ST14: variants seen among roughly 807,000 people sequenced by gnomAD.
ST14 encodes ST14 transmembrane serine protease matriptase.
In ST14, 40 loss-of-function variants were observed where a neutral mutation model predicts 96.5. The ratio of observed to expected loss-of-function variants is 0.41; its 90% confidence interval spans 0.32 to 0.54. ST14 has a LOEUF of 0.54. Among genes scored for constraint, ST14 ranks in the 20% least tolerant of loss-of-function variants. ST14 has a pLI of 0.17. For synonymous variants in ST14, 506 were observed against 492.1 expected (o/e 1.03, Z -0.37); for missense variants, 1,066 against 1,188.9 (o/e 0.90, Z 1.52).
chr11:130,195,580 C>T (rs1953351931), intron 9 of ST14, among the ~76,000 whole-genome samples: 3 of 152,040 alleles, frequency 2.0e-5, no homozygotes, highest in South Asian at 2.1e-4. Context: ...GAGGGCCGGG[C>T]GCAGTGGCTC....
At chr11:130,164,144 G>A (rs190422478) in intron 1 of ST14, among the ~76,000 whole-genome samples, 197 of 152,314 alleles carry the variant, frequency 1.3e-3, no homozygotes, top group African/African-American at 3.9e-3. Context: ...GAAGGGAAAC[G>A]TGACAGAGTC....
rs1953339910 is a variant in ST14, at chr11:130,194,679, A to G, written c.1055A>G (p.Asn352Ser). The change falls in exon 9 of 19, where the codon AAC (asparagine) becomes AGC (serine). Residue 352 changes from asparagine (N) to serine (S), a missense_variant. Physicochemically the swap from Asn to Ser is conservative, Grantham distance 46. Transcript: ENST00000278742. ...TTACGTAAAGCCCAGGGGACATTCA[A>G]CAGCCCCTACTACCCAGGCCACTAC... ...GRLRKAQGTF[N>S]SPYYPGHYPP... 1 of 1,614,142 alleles carries G rather than the reference A, an allele frequency of 6.2e-7. No homozygotes were observed. Among genetic ancestry groups the G allele is most frequent in the Non-Finnish European group, 8.5e-7 (1 of 1,180,014 alleles).
In ST14 at chr11:130,159,974, G is replaced by A. The variant is rs897278826; in HGVS notation, c.-6G>A. ...CCTGTGAGACCCGCGAGCGGCCTCG[G>A]GGACCATGGGGAGCGATCGGGCCCG... On this transcript the variant is annotated 5_prime_UTR_variant, in exon 1 of 19. Transcript: ENST00000278742. 22 of 1,369,362 alleles carry A rather than the reference G, an allele frequency of 1.6e-5. No homozygotes were observed. The East Asian group carries it at 6.6e-4, about 41-fold the overall frequency. The allele number at this position is 1,369,362 out of a possible 1,614,324, so 84.8% of individuals were successfully genotyped here.
Position 130,201,124 on chromosome 11 carries a change from G to A in ST14, c.1994+987G>A, listed in dbSNP as rs1172227804. On this transcript the variant is annotated intron_variant, in intron 16 of 18. Transcript: ENST00000278742. ...AGGTGCTCAGCATGTCATGGCCTCA[G>A]ACACACAGACAGATGAGAGGCCTGG... Among the ~76,000 whole-genome samples, 3 of 152,274 alleles carry A rather than the reference G, an allele frequency of 2.0e-5. No individual in the cohort carries two copies. The East Asian group carries it at 5.8e-4, about 29-fold the overall frequency.
At position 130,210,116 on chromosome 11, in the gene ST14, T is replaced by A; in HGVS notation, c.*293T>A. ...CAGCCCCAAGCTGGGCCGAGGCGCGTTTGTGCATATCTGCCTCCCCTGTCT... is the reference window on the plus strand; with the variant it reads ...CAGCCCCAAGCTGGGCCGAGGCGCGATTGTGCATATCTGCCTCCCCTGTCT... On this transcript the variant is annotated 3_prime_UTR_variant, in exon 19 of 19. Transcript: ENST00000278742. The A allele has an allele frequency of 2.4e-6, 1 of 421,700 alleles. No individual in the cohort carries two copies. Among genetic ancestry groups the A allele is most frequent in the Non-Finnish European group, 4.4e-6 (1 of 229,768 alleles). The allele number at this position is 421,700 out of a possible 1,614,324, so 26.1% of individuals were successfully genotyped here. A position where few individuals can be genotyped will look rare whatever the true frequency, so the allele number is the denominator to read the frequency against.
intron 16 of ST14, among the ~76,000 whole-genome samples, chr11:130,200,622 G>A (rs555364132): frequency 6.6e-6 from 1 of 152,306 alleles, no homozygotes; most frequent in South Asian, 2.1e-4. Context: ...ATGAGATTTG[G>A]AGGGGACAAG....
At chr11:130,207,004 C>G (rs1953496678) in intron 16 of ST14, among the ~76,000 whole-genome samples, 1 of 152,060 alleles carries the variant, frequency 6.6e-6, no homozygotes, top group Non-Finnish European at 1.5e-5. Context: ...GTAGTGTCAC[C>G]CTGTCACCAC....
At chr11:130,167,021 G>T (rs1953047346) in intron 1 of ST14, among the ~76,000 whole-genome samples, 2 of 152,122 alleles carry the variant, frequency 1.3e-5, no homozygotes. Context: ...GACTAGCCTG[G>T]CCAACATGGT....
chr11:130,194,050 G>A (rs1953332829), intron 7 of ST14, 99 bp from the exon 8 acceptor site: 1 of 1,511,436 alleles, frequency 6.6e-7, no homozygotes, highest in Non-Finnish European at 9.2e-7. Flanking sequence ...AGAGTTAGGG[G>A]TGGGGTCCTC....
chr11:130,194,680 C>T lies in ST14; in HGVS notation c.1056C>T (p.Asn352=). The T allele has an allele frequency of 1.2e-6, 2 of 1,614,214 alleles. No individual in the cohort carries two copies. The highest frequency in any genetic ancestry group is 2.2e-5 in the South Asian group (2 of 91,084). The change falls in exon 9 of 19, where the codon AAC becomes AAT. Residue 352 remains asparagine (N), a synonymous_variant. Transcript: ENST00000278742. ...TACGTAAAGCCCAGGGGACATTCAA[C>T]AGCCCCTACTACCCAGGCCACTACC... The part of the protein sequence containing the change: ...GRLRKAQGTF[N]SPYYPGHYPP...
At chr11:130,182,693 A>C (rs1953204028) in intron 1 of ST14, among the ~76,000 whole-genome samples, 2 of 147,506 alleles carry the variant, frequency 1.4e-5, no homozygotes, top group Non-Finnish European at 3.0e-5. Context: ...TCTGTTGCCC[A>C]GGCTGGAGTG....
At position 130,190,683 on chromosome 11, in the gene ST14, C is replaced by A; in HGVS notation, c.864C>A (p.His288Gln). ...ACACCCTGAGCCCCATGGAGCCCCA[C>A]GCCCTGGTGCAGTGAGTACCCCGGG... Reference protein sequence around the residue: ...VYNTLSPMEPHALVQLCGTYP... With the variant: ...VYNTLSPMEPQALVQLCGTYP... Residue 288 changes from histidine (H) to glutamine (Q), a missense_variant, in exon 7 of 19, where the codon CAC becomes CAA. Coordinates refer to ENST00000278742, the MANE Select transcript of ST14 (RefSeq NM_021978.4). 1 of 1,587,454 alleles carries A rather than the reference C, an allele frequency of 6.3e-7. No homozygotes were observed. Among genetic ancestry groups the A allele is most frequent in the African/African-American group, 1.3e-5 (1 of 74,356 alleles).
chr11:130,190,232 A>G, intron 6 of ST14, 84 bp downstream of exon 6: 5 of 1,559,954 alleles, frequency 3.2e-6, no homozygotes, highest in Non-Finnish European at 4.4e-6. Flanking sequence ...GGTCCCCAGA[A>G]GCATGTCCCT....
In ST14 at chr11:130,194,486, G is replaced by A. The variant is rs138543852; in HGVS notation, c.1016-154G>A. Among the ~76,000 whole-genome samples, 532 of 152,290 alleles carry A rather than the reference G, an allele frequency of 3.5e-3. 2 individuals are homozygous for A. Among genetic ancestry groups the A allele is most frequent in the African/African-American group, 0.012 (501 of 41,570 alleles). Reference sequence around the variant, plus strand: ...GGGTCAGGAGCCCTCCTGAAGCTTCGGCACCCGGCACCTGGCCTTCCTGGC... The same window carrying A: ...GGGTCAGGAGCCCTCCTGAAGCTTCAGCACCCGGCACCTGGCCTTCCTGGC... On this transcript the variant is annotated intron_variant, in intron 8 of 18. Coordinates refer to ENST00000278742, the MANE Select transcript of ST14 (RefSeq NM_021978.4).
At chr11:130,192,680 C>T (rs1367636313) in intron 7 of ST14, among the ~76,000 whole-genome samples, 1 of 152,254 alleles carries the variant, frequency 6.6e-6, no homozygotes, top group Admixed American at 6.5e-5. Flanking sequence ...GCGTGAGCCA[C>T]AGCACCCGGC....
Position 130,196,586 on chromosome 11 carries a change from T to A in ST14, c.1240T>A (p.Ser414Thr), listed in dbSNP as rs758973821. The change falls in exon 11 of 19, where the codon TCC becomes ACC. Residue 414 changes from serine (S) to threonine (T), a missense_variant. By Grantham distance (58) the Ser-to-Thr change is moderately conservative. Transcript: ENST00000278742. ...CCCCTCCAGATACTGCGGAGAGAGG[T>A]CCCAGTTCGTCGTCACCAGCAACAG... ...INGEKYCGER[S>T]QFVVTSNSNK... is the part of the protein sequence containing the mutation. 1 of 1,572,254 alleles carries A rather than the reference T, an allele frequency of 6.4e-7. No individual in the cohort carries two copies. The highest frequency in any genetic ancestry group is 8.6e-7 in the Non-Finnish European group (1 of 1,158,886).
chr11:130,183,199 A>T (rs1290684460), intron 1 of ST14, among the ~76,000 whole-genome samples: 1 of 152,026 alleles, frequency 6.6e-6, no homozygotes, highest in Non-Finnish European at 1.5e-5. Flanking sequence ...ACCTCAGGTG[A>T]TCTGCCTGCC....
intron 9 of ST14, among the ~76,000 whole-genome samples, 174 bp from the exon 10 acceptor site, chr11:130,196,165 A>C (rs1953360248): frequency 6.7e-6 from 1 of 148,162 alleles, no homozygotes; most frequent in Non-Finnish European, 1.5e-5. Flanking sequence ...ATCTCAAAAA[A>C]CAAACAAACA....
intron 1 of ST14, among the ~76,000 whole-genome samples, chr11:130,166,246 G>T (rs919914800): frequency 1.3e-5 from 2 of 152,104 alleles, no homozygotes; most frequent in African/African-American, 4.8e-5. Context: ...CACTTTTCAC[G>T]CCTCTTTCCC....
Sources: allele counts gnomAD v4.1 joint callset (sites outside exome capture counted in the v4.1 genomes callset), GRCh38; gene constraint gnomAD v4.1.1; transcripts MANE v1.5; gene names NCBI Gene and HGNC (gene_info 2026-07-23, HGNC 2026-07-21).